CAMP: variants seen among roughly 807,000 people sequenced by gnomAD.
CAMP encodes 18 kDa cationic antimicrobial protein.
Under a neutral mutation model 12.7 loss-of-function variants are expected in CAMP, and 10 were observed. The ratio of observed to expected loss-of-function variants is 0.79; its 90% CI spans 0.49 to 1.34. The LOEUF is 1.34. Among genes scored for constraint, CAMP ranks in the 40% most tolerant of loss-of-function variants. The pLI, the probability that CAMP is intolerant of heterozygous loss-of-function variation, is 0.00. For synonymous variants in CAMP, 87 were observed against 85.2 expected, an observed-to-expected ratio of 1.02 and a Z score of -0.12; for missense variants, 205 against 213.0, an observed-to-expected ratio of 0.96 and a Z score of 0.23.
chr3:48,224,205 C>T (rs2033470384), intron 1 of CAMP, 149 bp from the exon 2 acceptor site: 2 of 642,304 alleles, frequency 3.1e-6, no homozygotes, highest in Non-Finnish European at 5.7e-6. Context: ...TGGCTCAGTC[C>T]TCCTCCCCTC....
rs1559974810 is a variant in CAMP at position 48,224,494 on chromosome 3, C to T, written c.309+33C>T. On this transcript the variant is annotated intron_variant, in intron 2 of 3. Transcript: ENST00000652295. ...TGGGGGCTGGGGGTGTTGGTGGGTG[C>T]CTCCCAAGGAGCTGAACAGGGGGCA... 3.9e-6 allele frequency: 6 copies of T among 1,554,352 alleles called. No individual in the cohort carries two copies. In the South Asian group the frequency reaches 5.6e-5, roughly 14 times the overall value.
chr3:48,225,314 C>G lies in CAMP; in HGVS notation c.403C>G (p.Leu135Val). Reference sequence around the variant, plus strand: ...CCAGGATAACAAGAGATTTGCCCTGCTGGGTGATTTCTTCCGGAAATCTAA... The same window carrying G: ...CCAGGATAACAAGAGATTTGCCCTGGTGGGTGATTTCTTCCGGAAATCTAA... Reference protein sequence around the residue: ...CDKDNKRFALLGDFFRKSKEK... With the variant: ...CDKDNKRFALVGDFFRKSKEK... Residue 135 changes from leucine to valine, a missense_variant, in exon 4 of 4, where the codon CTG becomes GTG. Physicochemically the swap from Leu to Val is conservative, Grantham distance 32. Transcript: ENST00000652295. 6.2e-7 allele frequency: 1 copy of G among 1,613,446 alleles called. No homozygotes were observed. The highest frequency in any genetic ancestry group is 8.5e-7 in the Non-Finnish European group (1 of 1,179,504).
At chr3:48,224,511 C>G (rs1232774992) in intron 2 of CAMP, 50 bp downstream of exon 2, 3 of 1,523,710 alleles carry the variant, frequency 2.0e-6, no homozygotes, top group Admixed American at 1.7e-5. Flanking sequence ...AGGAGCTGAA[C>G]AGGGGGCACC....
Position 48,224,626 on chromosome 3 carries a change from A to G in CAMP, c.333A>G (p.Thr111=). 1 of 1,613,924 alleles carries G rather than the reference A, an allele frequency of 6.2e-7. No individual in the cohort carries two copies. The highest frequency in any genetic ancestry group is 8.5e-7 in the Non-Finnish European group (1 of 1,179,864). Residue 111 remains threonine (T), a synonymous_variant, in exon 3 of 4, where the codon ACA becomes ACG. Coordinates refer to ENST00000652295, the MANE Select transcript of CAMP (RefSeq NM_004345.5). ...AGCTGGTGAAGCGGTGTATGGGGACAGTGACCCTCAACCAGGCCAGGGGCT... is the reference window on the plus strand; with the variant it reads ...AGCTGGTGAAGCGGTGTATGGGGACGGTGACCCTCAACCAGGCCAGGGGCT... ...KDGLVKRCMG[T]VTLNQARGSF...
chr3:48,224,119 C>G (rs962154758), intron 1 of CAMP, among the ~76,000 whole-genome samples: 25 of 152,100 alleles, frequency 1.6e-4, no homozygotes, highest in Non-Finnish European at 5.9e-5. Flanking sequence ...TGCCCCCACC[C>G]CAGAGTGGGA....
Position 48,223,730 on chromosome 3 carries a change from T to TTCTGC in CAMP, c.201+28_201+32dup. On this transcript the variant is annotated intron_variant, in intron 1 of 3. Coordinates refer to ENST00000652295, the MANE Select transcript of CAMP (RefSeq NM_004345.5). Reference sequence around the variant, plus strand: ...CCACGATGGTGAGCTTTGGGGGACATTCTGCTCTGCTCTGGCTGGGCTTGG... The same window carrying TTCTGC: ...CCACGATGGTGAGCTTTGGGGGACATTCTGCTCTGCTCTGCTCTGGCTGGGCTTGG... The TTCTGC allele has an allele frequency of 6.2e-7, 1 of 1,603,410 alleles. No individual in the cohort carries two copies. Among genetic ancestry groups the TTCTGC allele is most frequent in the South Asian group, 1.1e-5 (1 of 90,562 alleles).
rs568248783 is a variant in CAMP, at chr3:48,224,252, C to T, written c.202-102C>T. 49 of 755,516 alleles carry T rather than the reference C, an allele frequency of 6.5e-5. 1 individual carries two copies. In the East Asian group the frequency reaches 1.1e-3, roughly 17 times the overall value. The allele number at this position is 755,516 out of a possible 1,614,324, so 46.8% of individuals were successfully genotyped here. A position where few individuals can be genotyped will look rare whatever the true frequency, so the allele number is the denominator to read the frequency against. On this transcript the variant is annotated intron_variant, in intron 1 of 3. Coordinates refer to ENST00000652295, the MANE Select transcript of CAMP (RefSeq NM_004345.5). ...GCCAAGCCCAGCACCCAGTGCCCGT[C>T]GCACATCAGGTACTGTGGAAAGCCT...
At chr3:48,223,817 A>G in intron 1 of CAMP, 105 bp downstream of exon 1, 3 of 830,886 alleles carry the variant, frequency 3.6e-6, no homozygotes, top group Non-Finnish European at 5.8e-6. Context: ...CCCCCTTTAA[A>G]TGTGGTCCCG....
intron 3 of CAMP, among the ~76,000 whole-genome samples, 194 bp downstream of exon 3, chr3:48,224,868 T>C (rs1046440066): frequency 6.6e-6 from 1 of 152,110 alleles, no homozygotes; most frequent in Non-Finnish European, 1.5e-5. Flanking sequence ...GTGTAGCCCT[T>C]CCTGGGGACT....
intron 3 of CAMP, among the ~76,000 whole-genome samples, chr3:48,225,085 C>T (rs2033487441): frequency 6.6e-6 from 1 of 152,144 alleles, no homozygotes; most frequent in African/African-American, 2.4e-5. Flanking sequence ...CAGAGCCCCT[C>T]ACTATCTCCG....
In CAMP at chr3:48,225,279, G is replaced by A. The variant is rs371652027; in HGVS notation, c.382-14G>A. 1 of 1,612,552 alleles carries A rather than the reference G, an allele frequency of 6.2e-7. No individual in the cohort carries two copies. The highest frequency in any genetic ancestry group is 1.7e-5 in the Admixed American group (1 of 59,968). On this transcript the variant is annotated splice_polypyrimidine_tract_variant and intron_variant, in intron 3 of 3. Transcript: ENST00000652295. ...CCCGACAAGGAACCTGTTTCTTCCTGTACACAACCCCAGGATAACAAGAGA... is the reference window on the plus strand; with the variant it reads ...CCCGACAAGGAACCTGTTTCTTCCTATACACAACCCCAGGATAACAAGAGA...
intron 3 of CAMP, 122 bp downstream of exon 3, chr3:48,224,796 C>A: frequency 1.3e-6 from 1 of 772,990 alleles, no homozygotes; most frequent in Non-Finnish European, 2.2e-6. Flanking sequence ...AGGGCTCTTC[C>A]CCAAACCTGA....
chr3:48,224,731 C>A, intron 3 of CAMP, 57 bp downstream of exon 3: 1 of 1,252,300 alleles, frequency 8.0e-7, no homozygotes, highest in South Asian at 1.2e-5. Context: ...GTGGACCATC[C>A]AATGGGTCAA....
At position 48,224,754 on chromosome 3, in the gene CAMP, C is replaced by A; in HGVS notation, c.381+80C>A. 4.6e-6 allele frequency: 5 copies of A among 1,091,358 alleles called. No homozygotes were observed. The South Asian group carries it at 5.0e-5, about 11-fold the overall frequency. The allele number at this position is 1,091,358 out of a possible 1,614,324, so 67.6% of individuals were successfully genotyped here. A position where few individuals can be genotyped will look rare whatever the true frequency, so the allele number is the denominator to read the frequency against. ...TCCAATGGGTCAATTAACTACTCCC[C>A]CAACCCAGGACAGAGAAAGCCCCTC... is the stretch of plus-strand genomic sequence containing the variant. On this transcript the variant is annotated intron_variant, in intron 3 of 3. Coordinates refer to ENST00000652295, the MANE Select transcript of CAMP (RefSeq NM_004345.5).
At chr3:48,223,768 C>A in intron 1 of CAMP, 56 bp downstream of exon 1, 1 of 1,332,814 alleles carries the variant, frequency 7.5e-7, no homozygotes, top group Non-Finnish European at 1.1e-6. Context: ...ACGTGTTGTT[C>A]CTTCTGCTCC....
At chr3:48,224,697 C>T (rs1220284468) in intron 3 of CAMP, 23 bp downstream of exon 3, 2 of 1,574,990 alleles carry the variant, frequency 1.3e-6, no homozygotes, top group Non-Finnish European at 1.7e-6. Flanking sequence ...TTCTGGGATG[C>T]AGGGGCTGAT....
intron 1 of CAMP, 100 bp downstream of exon 1, chr3:48,223,812 T>G (rs2033459213): frequency 6.9e-6 from 6 of 866,470 alleles, no homozygotes; most frequent in Non-Finnish European, 9.2e-6. Flanking sequence ...CATCTCCCCC[T>G]TTAAATGTGG....
At chr3:48,225,039 C>T (rs1384337647) in intron 3 of CAMP, among the ~76,000 whole-genome samples, 1 of 152,206 alleles carries the variant, frequency 6.6e-6, no homozygotes, top group Non-Finnish European at 1.5e-5. Flanking sequence ...CCTGTGTTCC[C>T]ATCTCAGTGT....
chr3:48,224,757 A>G (rs2033481557), intron 3 of CAMP, 83 bp downstream of exon 3: 6 of 1,063,644 alleles, frequency 5.6e-6, no homozygotes, highest in African/African-American at 3.1e-5. Context: ...TACTCCCCCA[A>G]CCCAGGACAG....
Sources: gnomAD v4.1 joint callset for allele counts (sites outside exome capture counted in the v4.1 genomes callset) on GRCh38, gnomAD v4.1.1 for gene constraint, MANE v1.5 for transcripts, NCBI Gene and HGNC (gene_info 2026-07-23, HGNC 2026-07-21) for gene names.